The following CDC42EP4 variants were observed in gnomAD, a reference collection of about 807,000 sequenced individuals.
CDC42EP4 encodes CDC42 effector protein (Rho GTPase binding) 4.
A neutral mutation model predicts 5.6 loss-of-function variants in CDC42EP4; 6 were observed. The observed-to-expected ratio is 1.07, with a 90% CI of 0.59 to 2.12. The LOEUF (loss-of-function observed/expected upper bound fraction) is 2.12. Among genes scored for constraint, CDC42EP4 ranks in the 30% most tolerant of loss-of-function variants. CDC42EP4 has a pLI of 0.00. For missense variants in CDC42EP4, 490 were observed against 508.6 expected (o/e 0.96, Z 0.35); for synonymous variants, 230 against 224.2 (o/e 1.03, Z -0.23).
Position 73,286,533 on chromosome 17 carries a change from G to C in CDC42EP4, c.-33C>G. 6.6e-7 allele frequency: 1 copy of C among 1,518,022 alleles called. No individual in the cohort carries two copies. The highest frequency in any genetic ancestry group is 8.9e-7 in the Non-Finnish European group (1 of 1,123,262). The allele number at this position is 1,518,022 out of a possible 1,614,324, so 94.0% of individuals were successfully genotyped here. A position where few individuals can be genotyped will look rare whatever the true frequency, so the allele number is the denominator to read the frequency against. ...GATGGGCGGGGAGGTGGGCCCTCCC[G>C]AGGTAGCCGGCAGGTCTGGGGTCAG... is the stretch of plus-strand genomic sequence containing the variant. On this transcript the variant is annotated 5_prime_UTR_variant, in exon 2 of 2. Coordinates refer to ENST00000335793, the MANE Select transcript of CDC42EP4 (RefSeq NM_012121.5). The surrounding 1 kb of genome is among the most constrained non-coding windows in gnomAD (Gnocchi z 7.7).
chr17:73,297,939 G>A (rs965190402), intron 1 of CDC42EP4, among the ~76,000 whole-genome samples: 1 of 151,274 alleles, frequency 6.6e-6, no homozygotes, highest in Admixed American at 6.6e-5. Context: ...GATTACAGGT[G>A]TGAGCCACCG....
intron 1 of CDC42EP4, among the ~76,000 whole-genome samples, chr17:73,306,330 T>TAAAA (rs56874446): frequency 3.0e-5 from 4 of 133,832 alleles, no homozygotes; most frequent in Non-Finnish European, 3.2e-5. Context: ...ACCCTGTCTC[T>TAAAA]AAAAAAAAAA....
rs754226302 is a variant in CDC42EP4, at chr17:73,285,746, G to A, written c.755C>T (p.Ala252Val). 27 of 1,589,924 alleles carry A rather than the reference G, an allele frequency of 1.7e-5. No individual in the cohort carries two copies. Among genetic ancestry groups the A allele is most frequent in the Non-Finnish European group, 2.2e-5 (26 of 1,162,698 alleles). Residue 252 changes from alanine to valine, a missense_variant, in exon 2 of 2, where the codon GCT (alanine) becomes GTT (valine). Transcript: ENST00000335793. The surrounding 1 kb of genome is among the most constrained non-coding windows in gnomAD (Gnocchi z 6.8). ...AGGGGCCGCCACGGCGTACGGGGGA[G>A]CCTGGGTGATGGTGCCAGCGGCGCC... The part of the protein sequence containing the change: ...DEGAAGTITQ[A>V]PPYAVAAPPL...
chr17:73,307,846 A>T (rs1449656418), intron 1 of CDC42EP4, among the ~76,000 whole-genome samples: 1 of 142,914 alleles, frequency 7.0e-6, no homozygotes, highest in Non-Finnish European at 1.5e-5. Flanking sequence ...GGTTCAAGCG[A>T]TTCTTGTGTC....
Position 73,286,084 on chromosome 17 carries a change from C to A in CDC42EP4, c.417G>T (p.Leu139=). 9 of 1,614,002 alleles carry A rather than the reference C, an allele frequency of 5.6e-6. No individual in the cohort carries two copies. Among genetic ancestry groups the A allele is most frequent in the Non-Finnish European group, 7.6e-6 (9 of 1,180,030 alleles). Residue 139 remains leucine (L), a synonymous_variant, in exon 2 of 2, where the codon CTG becomes CTT. Transcript: ENST00000335793. This position sits in a 1 kb window ranked among gnomAD's most constrained non-coding sequence, Gnocchi z 7.7. ...TGGCCTTCTTCACGGGGCTGGATGA[C>A]AGGCTCTTGGGCAGCTTACTGGTGC... The part of the protein sequence containing the change: ...EKGTSKLPKS[L]SSSPVKKAND...
At chr17:73,308,742 G>A (rs1371533162) in intron 1 of CDC42EP4, among the ~76,000 whole-genome samples, 1 of 152,112 alleles carries the variant, frequency 6.6e-6, no homozygotes, top group Non-Finnish European at 1.5e-5. Flanking sequence ...TTGTTAAGAA[G>A]GGTTGGCCAG....
At position 73,285,478 on chromosome 17, in the gene CDC42EP4, C is replaced by G. The variant is rs1164315126; in HGVS notation, c.1023G>C (p.Lys341Asn). 1 of 1,586,280 alleles carries G rather than the reference C, an allele frequency of 6.3e-7. No individual in the cohort carries two copies. Among genetic ancestry groups the G allele is most frequent in the South Asian group, 1.1e-5 (1 of 89,302 alleles). ...CCTCCTCATCCATGAAGGAGAACTC[C>G]TTGTCTGGCTGTCTTGAGACAGCAG... ...ARAAVSRQPDKEFSFMDEEEE... is the reference protein window; with the variant it reads ...ARAAVSRQPDNEFSFMDEEEE... The change falls in exon 2 of 2, where the codon AAG becomes AAC. Residue 341 changes from lysine (K) to asparagine (N), a missense_variant. By Grantham distance (94) the Lys-to-Asn change is moderately conservative. Coordinates refer to ENST00000335793, the MANE Select transcript of CDC42EP4 (RefSeq NM_012121.5). The surrounding 1 kb of genome is among the most constrained non-coding windows in gnomAD (Gnocchi z 6.8).
At chr17:73,296,983 A>AG (rs2062189913) in intron 1 of CDC42EP4, among the ~76,000 whole-genome samples, 1 of 103,122 alleles carries the variant, frequency 9.7e-6, no homozygotes. Flanking sequence ...TCCGTCTCAA[A>AG]AAAAAAAAAA....
chr17:73,306,037 G>A (rs543021479), intron 1 of CDC42EP4, among the ~76,000 whole-genome samples: 5 of 152,248 alleles, frequency 3.3e-5, no homozygotes, highest in East Asian at 1.9e-4. Flanking sequence ...CCCTCATCCC[G>A]TCACCTTTTA....
At chr17:73,308,261 T>C in intron 1 of CDC42EP4, among the ~76,000 whole-genome samples, 1 of 152,160 alleles carries the variant, frequency 6.6e-6, no homozygotes, top group East Asian at 1.9e-4. Flanking sequence ...AATTTGGTTC[T>C]TTTCCTCACG....
chr17:73,294,734 TACACACACACACCAC>T (rs1317468323), intron 1 of CDC42EP4, among the ~76,000 whole-genome samples: 2 of 152,154 alleles, frequency 1.3e-5, no homozygotes, highest in Non-Finnish European at 2.9e-5. Context: ...AGTTTTAGTT[TACACACACACACCAC>T]ACACACACAC....
At chr17:73,305,808 T>C (rs1201318807) in intron 1 of CDC42EP4, among the ~76,000 whole-genome samples, 10 of 152,242 alleles carry the variant, frequency 6.6e-5, no homozygotes, top group Non-Finnish European at 1.2e-4. Context: ...AACAGCCACC[T>C]GAGAGCACCT....
At chr17:73,290,796 G>A (rs1209650351) in intron 1 of CDC42EP4, among the ~76,000 whole-genome samples, 1 of 152,202 alleles carries the variant, frequency 6.6e-6, no homozygotes. Flanking sequence ...GCCAAGGCAG[G>A]AACCCCCAGA....
At chr17:73,301,091 G>A (rs1045735417) in intron 1 of CDC42EP4, among the ~76,000 whole-genome samples, 5 of 151,546 alleles carry the variant, frequency 3.3e-5, no homozygotes, top group African/African-American at 1.2e-4. Context: ...AGTCCAAATG[G>A]ATATGTGCAC....
intron 1 of CDC42EP4, among the ~76,000 whole-genome samples, chr17:73,292,744 G>A (rs1404601122): frequency 6.6e-6 from 1 of 152,216 alleles, no homozygotes; most frequent in Non-Finnish European, 1.5e-5. Context: ...TATAGGAACA[G>A]GCTTGTGGCA....
At chr17:73,304,655 T>TG (rs371870281) in intron 1 of CDC42EP4, among the ~76,000 whole-genome samples, 3,726 of 21,812 alleles carry the variant, frequency 0.17, 64 homozygotes, top group Non-Finnish European at 0.24. Context: ...AACATCGGGG[T>TG]GGGGGGGGCG....
intron 1 of CDC42EP4, among the ~76,000 whole-genome samples, chr17:73,303,435 A>G (rs1272133547): frequency 3.3e-5 from 5 of 152,170 alleles, no homozygotes; most frequent in African/African-American, 9.6e-5. Flanking sequence ...GCCGAGGAGT[A>G]TGGATCACTT....
intron 1 of CDC42EP4, among the ~76,000 whole-genome samples, chr17:73,308,307 G>GCTACCCTGAC (rs2062255037): frequency 6.6e-6 from 1 of 152,184 alleles, no homozygotes; most frequent in African/African-American, 2.4e-5. Context: ...GGTCAGAAGA[G>GCTACCCTGAC]CTACGCAGAG....
chr17:73,309,038 C>CAAAAAAAA (rs57714877), intron 1 of CDC42EP4, among the ~76,000 whole-genome samples: 5,653 of 33,810 alleles, frequency 0.17, 1,282 homozygotes, highest in South Asian at 0.32. Flanking sequence ...GCTCTGTCTC[C>CAAAAAAAA]AAAAAAAAAA....
Sources: gnomAD v4.1 joint callset for allele counts (sites outside exome capture counted in the v4.1 genomes callset) on GRCh38, gnomAD v4.1.1 for gene constraint, Gnocchi (gnomAD v3.1) non-coding constraint, MANE v1.5 for transcripts, NCBI Gene and HGNC (gene_info 2026-07-23, HGNC 2026-07-21) for gene names.